Variants in CEP350 observed in about 807,000 individuals in gnomAD.
CEP350 encodes the protein centrosomal protein 350, also known as centrosome-associated protein 350.
A neutral mutation model predicts 331.8 loss-of-function variants in CEP350; 126 were observed. The observed-to-expected ratio is 0.38, with a 90% CI of 0.33 to 0.44. The LOEUF is 0.44. Ranked by LOEUF, CEP350 falls within the 20% of genes least tolerant of loss-of-function variation. The pLI is 1.00. For missense variants in CEP350, 3,406 were observed against 3,634.6 expected (o/e 0.94, Z 1.62); for synonymous variants, 1,200 against 1,259.5 (o/e 0.95, Z 1.00).
chr1:179,992,881 C>G (rs1264067552), intron 5 of CEP350, among the ~76,000 whole-genome samples: 1 of 152,070 alleles, frequency 6.6e-6, no homozygotes, highest in African/African-American at 2.4e-5. Context: ...GTAATAAACA[C>G]TGGGCCTGTT....
At position 180,111,364 on chromosome 1, in the gene CEP350, G is replaced by T; in HGVS notation, c.*203G>T. The T allele has an allele frequency of 3.5e-6, 2 of 578,930 alleles. No individual in the cohort carries two copies. Among genetic ancestry groups the T allele is most frequent in the Non-Finnish European group, 2.9e-6 (1 of 344,818 alleles). The allele number at this position is 578,930 out of a possible 1,614,324, so 35.9% of individuals were successfully genotyped here. On this transcript the variant is annotated 3_prime_UTR_variant, in exon 38 of 38. Transcript: ENST00000367607. ...TTTCGAGACTATCCACTGGATTAAT[G>T]GGTTATTTTCAGTGGGCAGGGTTGC... is the stretch of plus-strand genomic sequence containing the variant.
intron 15 of CEP350, among the ~76,000 whole-genome samples, chr1:180,032,008 C>A (rs1431173288): frequency 6.6e-6 from 1 of 151,060 alleles, no homozygotes; most frequent in Non-Finnish European, 1.5e-5. Flanking sequence ...TTCTTCCTCT[C>A]AACTTTTCTG....
At chr1:180,027,014 T>G (rs1655722054) in intron 14 of CEP350, among the ~76,000 whole-genome samples, 1 of 152,240 alleles carries the variant, frequency 6.6e-6, no homozygotes, top group South Asian at 2.1e-4. Flanking sequence ...TGTTTAATTT[T>G]TTGAGGAACT....
At chr1:180,016,559 A>G (rs1000256322) in intron 11 of CEP350, among the ~76,000 whole-genome samples, 1 of 152,146 alleles carries the variant, frequency 6.6e-6, no homozygotes, top group Non-Finnish European at 1.5e-5. Context: ...GTGGTTATAA[A>G]TTATACTTTG....
chr1:180,081,754 A>G (rs1336117216), intron 30 of CEP350, among the ~76,000 whole-genome samples: 1 of 152,266 alleles, frequency 6.6e-6, no homozygotes, highest in Non-Finnish European at 1.5e-5. Context: ...ATCTAAACAT[A>G]GAAAAGGTGT....
intron 28 of CEP350, 56 bp downstream of exon 28, chr1:180,075,277 A>G: frequency 6.8e-7 from 1 of 1,472,210 alleles, no homozygotes; most frequent in South Asian, 1.3e-5. Flanking sequence ...TAATTGAAAG[A>G]TATATTTCAT....
chr1:180,106,271 C>T (rs1289449652), intron 37 of CEP350, among the ~76,000 whole-genome samples: 1 of 152,210 alleles, frequency 6.6e-6, no homozygotes, highest in Admixed American at 6.5e-5. Context: ...GAAGGACACT[C>T]AGCACTCCTG....
At chr1:180,058,412 G>GA (rs2148992695) in intron 25 of CEP350, among the ~76,000 whole-genome samples, 1 of 152,202 alleles carries the variant, frequency 6.6e-6, no homozygotes, top group African/African-American at 2.4e-5. Context: ...CTTTTTAATA[G>GA]AAAAGCAAGA....
rs1393079073 is a variant in CEP350 at position 179,954,998 on chromosome 1, G to A, written c.-158G>A. On this transcript the variant is annotated 5_prime_UTR_variant, in exon 1 of 38. Transcript: ENST00000367607. ...AGCGGACCGGCGGATCCCCGGAGCC[G>A]GTGCGAGGAGGGCACCCGGTGCGTC... 10 of 1,277,624 alleles carry A rather than the reference G, an allele frequency of 7.8e-6. No homozygotes were observed. In the East Asian group the frequency reaches 3.2e-4, roughly 40 times the overall value. 79.1% of individuals were successfully genotyped at this position (1,277,624 alleles called of 1,614,324 possible). A position where few individuals can be genotyped will look rare whatever the true frequency, so the allele number is the denominator to read the frequency against.
Position 180,111,379 on chromosome 1 carries a change from G to A in CEP350, c.*218G>A. The A allele has an allele frequency of 1.9e-6, 1 of 536,624 alleles. No homozygotes were observed. 33.2% of individuals were successfully genotyped at this position (536,624 alleles called of 1,614,324 possible). On this transcript the variant is annotated 3_prime_UTR_variant, in exon 38 of 38. Coordinates refer to ENST00000367607, the MANE Select transcript of CEP350 (RefSeq NM_014810.5). Reference sequence around the variant, plus strand: ...CTGGATTAATGGGTTATTTTCAGTGGGCAGGGTTGCACAGTGTAATCCTAC... The same window carrying A: ...CTGGATTAATGGGTTATTTTCAGTGAGCAGGGTTGCACAGTGTAATCCTAC...
At chr1:180,099,530 A>G (rs766977524) in intron 37 of CEP350, among the ~76,000 whole-genome samples, 4 of 152,156 alleles carry the variant, frequency 2.6e-5, no homozygotes, top group Non-Finnish European at 5.9e-5. Context: ...TGGTTTTGCA[A>G]TATATTTCTG....
intron 21 of CEP350, 21 bp downstream of exon 21, chr1:180,044,194 T>C (rs1446470561): frequency 6.5e-7 from 1 of 1,546,184 alleles, no homozygotes; most frequent in Non-Finnish European, 8.7e-7. Flanking sequence ...TTTGATTTCT[T>C]TGTCAGTACA....
chr1:179,959,835 C>T (rs1650456093), intron 1 of CEP350, among the ~76,000 whole-genome samples: 1 of 152,126 alleles, frequency 6.6e-6, no homozygotes, highest in African/African-American at 2.4e-5. Context: ...ATTTGTTTTT[C>T]TCCTAGCTTT....
At chr1:180,016,754 C>G (rs922775259) in intron 11 of CEP350, among the ~76,000 whole-genome samples, 4 of 151,590 alleles carry the variant, frequency 2.6e-5, no homozygotes, top group Non-Finnish European at 5.9e-5. Flanking sequence ...CTCCGCCTCC[C>G]AGACTCAAGC....
chr1:180,094,721 G>GT (rs1173792445), intron 34 of CEP350, 105 bp downstream of exon 34: 72 of 1,242,448 alleles, frequency 5.8e-5, no homozygotes, highest in South Asian at 1.2e-4. Context: ...CTCCTGATAG[G>GT]TTTTTTTTCC....
chr1:180,040,638 G>T (rs1448720474), intron 17 of CEP350, among the ~76,000 whole-genome samples: 2 of 138,790 alleles, frequency 1.4e-5, no homozygotes, highest in Non-Finnish European at 3.1e-5. Context: ...CAAAGGAGAT[G>T]AAAAAAAAAA....
chr1:180,095,784 A>T lies in CEP350; in HGVS notation c.8773A>T (p.Ile2925Phe). 6.2e-7 allele frequency: 1 copy of T among 1,613,976 alleles called. No homozygotes were observed. The highest frequency in any genetic ancestry group is 8.5e-7 in the Non-Finnish European group (1 of 1,179,882). ...CCCCCATACTGCAGAAGAAGTAGAG[A>T]TTCTTGTACATAATGCAGCAGAAGA... ...AVPHTAEEVE[I>F]LVHNAAEELW... The change falls in exon 35 of 38, where the codon ATT becomes TTT. Residue 2925 changes from isoleucine to phenylalanine, a missense_variant. Ile to Phe is a conservative substitution (Grantham distance 21). Around this residue, in one of 5 missense-constraint regions of CEP350, gnomAD observed 1,415 missense variants for 1,512.3 expected, o/e 0.94. Coordinates refer to ENST00000367607, the MANE Select transcript of CEP350 (RefSeq NM_014810.5).
chr1:179,996,995 G>T lies in CEP350; in HGVS notation c.838G>T (p.Val280Phe). ...TATTCTAAAGCGGCGACAACATGAT[G>T]TCAAACTGGAAAAACTTAAGGAACG... is the stretch of plus-strand genomic sequence containing the variant. ...LDILKRRQHD[V>F]KLEKLKERIR... is the part of the protein sequence containing the mutation. Residue 280 changes from valine (V) to phenylalanine (F), a missense_variant, in exon 6 of 38, where the codon GTC becomes TTC. By Grantham distance (50) the Val-to-Phe change is conservative. Transcript: ENST00000367607. 6.2e-7 allele frequency: 1 copy of T among 1,613,970 alleles called. No individual in the cohort carries two copies. The highest frequency in any genetic ancestry group is 8.5e-7 in the Non-Finnish European group (1 of 1,179,866).
Position 180,053,137 on chromosome 1 carries a change from C to A in CEP350, c.4960C>A (p.Pro1654Thr). The A allele has an allele frequency of 1.3e-6, 2 of 1,595,432 alleles. No homozygotes were observed. Among genetic ancestry groups the A allele is most frequent in the Non-Finnish European group, 8.5e-7 (1 of 1,172,616 alleles). ...HHDDSDEEAS[P>T]EKTTLSTAKE... ...TGATGACTCTGATGAAGAAGCTTCT[C>A]CAGAAAAAACTACACTGTCTACTGC... The change falls in exon 23 of 38, where the codon CCA becomes ACA. Residue 1654 changes from proline (P) to threonine (T), a missense_variant. This residue lies in a region of CEP350 where 104 missense variants were observed against 143.3 expected (regional missense o/e 0.73). Transcript: ENST00000367607.
Sources: allele counts gnomAD v4.1 joint callset (sites outside exome capture counted in the v4.1 genomes callset), GRCh38; gene constraint gnomAD v4.1.1; regional missense constraint gnomAD v4.1.1; transcripts MANE v1.5; gene names NCBI Gene and HGNC (gene_info 2026-07-23, HGNC 2026-07-21).